LINGO2: variants seen among roughly 807,000 people sequenced by gnomAD.
LINGO2 encodes leucine-rich repeat and immunoglobulin-like domain-containing nogo receptor-interacting protein 2.
In LINGO2, 14 loss-of-function variants were observed where a neutral mutation model predicts 30.6. The observed-to-expected ratio is 0.46, with a 90% confidence interval of 0.30 to 0.72. The LOEUF (loss-of-function observed/expected upper bound fraction) is 0.72. Ranked by LOEUF, LINGO2 falls within the 30% of genes least tolerant of loss-of-function variation. LINGO2 has a pLI of 0.07. For missense variants in LINGO2, 729 were observed against 751.7 expected, an observed-to-expected ratio of 0.97 and a Z score of 0.35; for synonymous variants, 317 against 288.5, an observed-to-expected ratio of 1.10 and a Z score of -1.00.
intron 1 of LINGO2, among the ~76,000 whole-genome samples, chr9:28,526,726 G>C (rs1408053412): frequency 2.0e-5 from 3 of 152,170 alleles, no homozygotes; most frequent in Non-Finnish European, 4.4e-5. Flanking sequence ...GGAAGCTCAA[G>C]TACCTTAATT....
At chr9:29,167,821 C>G in the LINGO2 span, among the ~76,000 whole-genome samples, 1 of 152,072 alleles carries the variant, frequency 6.6e-6, no homozygotes, top group Admixed American at 6.5e-5. Context: ...TGAAAAATGA[C>G]TTATTCCACC....
intron 4 of LINGO2, among the ~76,000 whole-genome samples, chr9:28,076,557 C>T (rs1825629010): frequency 6.6e-6 from 1 of 151,518 alleles, no homozygotes; most frequent in South Asian, 2.1e-4. Context: ...ACAAGTATGT[C>T]TTATTTTATT....
intron 5 of LINGO2, among the ~76,000 whole-genome samples, chr9:27,957,154 C>T (rs1487297185): frequency 6.6e-6 from 1 of 152,054 alleles, no homozygotes; most frequent in African/African-American, 2.4e-5. Context: ...ATAACATTAC[C>T]TGGGGACCTT....
intron 1 of LINGO2, among the ~76,000 whole-genome samples, chr9:28,578,899 G>C (rs1347289399): frequency 1.3e-5 from 2 of 152,128 alleles, no homozygotes; most frequent in African/African-American, 2.4e-5. Flanking sequence ...GTTAAGCTTA[G>C]GTTGTTACCC....
the LINGO2 span, among the ~76,000 whole-genome samples, chr9:28,724,748 T>C: frequency 6.6e-6 from 1 of 152,272 alleles, no homozygotes; most frequent in South Asian, 2.1e-4. Context: ...GTATGCATGT[T>C]GTTGTGCCTT....
the LINGO2 span, among the ~76,000 whole-genome samples, chr9:29,117,324 G>A: frequency 3.3e-5 from 5 of 152,094 alleles, no homozygotes; most frequent in Non-Finnish European, 5.9e-5. Flanking sequence ...AAAAAGCCCC[G>A]ATTGTTAGTA....
At chr9:28,422,439 G>A (rs1823234150) in intron 2 of LINGO2, among the ~76,000 whole-genome samples, 1 of 152,036 alleles carries the variant, frequency 6.6e-6, no homozygotes, top group Non-Finnish European at 1.5e-5. Flanking sequence ...ACAGTCATTA[G>A]TGGAAAGACA....
chr9:28,924,761 ATAAT>A, the LINGO2 span, among the ~76,000 whole-genome samples: 1 of 152,236 alleles, frequency 6.6e-6, no homozygotes, highest in Non-Finnish European at 1.5e-5. Flanking sequence ...ACACTGTGTA[ATAAT>A]TAATCATTTA....
the LINGO2 span, among the ~76,000 whole-genome samples, chr9:29,208,130 A>C: frequency 1.3e-5 from 2 of 152,012 alleles, no homozygotes; most frequent in African/African-American, 4.8e-5. Context: ...AATATTCCAC[A>C]AGCTAAATAT....
the LINGO2 span, among the ~76,000 whole-genome samples, chr9:29,064,778 G>C: frequency 6.6e-6 from 1 of 151,980 alleles, no homozygotes; most frequent in East Asian, 1.9e-4. Context: ...TAGTAGAAGT[G>C]ATACTTGATT....
intron 4 of LINGO2, among the ~76,000 whole-genome samples, chr9:28,102,415 T>C (rs530528293): frequency 2.0e-4 from 30 of 152,208 alleles, no homozygotes; most frequent in African/African-American, 7.2e-4. Context: ...GATGAATTCA[T>C]TTAAGAGATC....
At chr9:28,399,778 A>G (rs1822185945) in intron 2 of LINGO2, among the ~76,000 whole-genome samples, 1 of 152,166 alleles carries the variant, frequency 6.6e-6, no homozygotes, top group Non-Finnish European at 1.5e-5. Flanking sequence ...ATGTTAAATT[A>G]TGGGATTTGA....
chr9:28,927,917 G>A, the LINGO2 span, among the ~76,000 whole-genome samples: 1 of 152,272 alleles, frequency 6.6e-6, no homozygotes, highest in Non-Finnish European at 1.5e-5. Context: ...GAGACAAGCA[G>A]CCCAGGTAAA....
At chr9:28,427,249 T>C (rs1440322754) in intron 2 of LINGO2, among the ~76,000 whole-genome samples, 1 of 152,050 alleles carries the variant, frequency 6.6e-6, no homozygotes, top group African/African-American at 2.4e-5. Flanking sequence ...AGAGCTCCCT[T>C]CTCTCCTGAG....
At chr9:28,748,492 T>C in the LINGO2 span, among the ~76,000 whole-genome samples, 3 of 152,032 alleles carry the variant, frequency 2.0e-5, no homozygotes, top group Admixed American at 6.5e-5. Context: ...TACACAATGA[T>C]TCATTACTAA....
the LINGO2 span, among the ~76,000 whole-genome samples, chr9:28,824,797 G>A: frequency 1.3e-5 from 2 of 152,166 alleles, no homozygotes; most frequent in African/African-American, 4.8e-5. Context: ...GCTTTGTGCA[G>A]TATCAGATGT....
chr9:28,500,100 C>T (rs1819825366), intron 1 of LINGO2, among the ~76,000 whole-genome samples: 1 of 152,120 alleles, frequency 6.6e-6, no homozygotes, highest in Non-Finnish European at 1.5e-5. Context: ...TTGGTCTTGG[C>T]TGATGCTGAA....
chr9:28,897,205 T>A, the LINGO2 span, among the ~76,000 whole-genome samples: 1 of 152,138 alleles, frequency 6.6e-6, no homozygotes, highest in Non-Finnish European at 1.5e-5. Flanking sequence ...ATGAAACTCA[T>A]CTCCATTAGT....
At chr9:27,952,140 G>T (rs1819344364) in intron 5 of LINGO2, among the ~76,000 whole-genome samples, 2 of 151,876 alleles carry the variant, frequency 1.3e-5, no homozygotes, top group Non-Finnish European at 2.9e-5. Flanking sequence ...TAGAACAGTA[G>T]AATAAGTGAC....
Sources: allele counts gnomAD v4.1 joint callset (sites outside exome capture counted in the v4.1 genomes callset), GRCh38; gene constraint gnomAD v4.1.1; transcripts MANE v1.5; gene names NCBI Gene and HGNC (gene_info 2026-07-23, HGNC 2026-07-21).